The following ABCA12 variants were observed in gnomAD, a reference collection of about 807,000 sequenced individuals.
ABCA12 encodes glucosylceramide transporter ABCA12.
Under a neutral mutation model 293.5 loss-of-function variants are expected in ABCA12, and 156 were observed. That is an observed-to-expected ratio of 0.53 (90% CI 0.47 to 0.61). The LOEUF is 0.61. ABCA12 is among the 20% of genes least tolerant of loss of function. The pLI is 0.00. For synonymous variants in ABCA12, 1,063 were observed against 1,108.0 expected, an observed-to-expected ratio of 0.96 and a Z score of 0.81; for missense variants, 2,797 against 3,090.2, an observed-to-expected ratio of 0.91 and a Z score of 2.25.
intron 36 of ABCA12, 131 bp from the exon 37 acceptor site, chr2:214,970,531 T>G (rs1699364553): frequency 2.0e-6 from 2 of 1,007,054 alleles, no homozygotes; most frequent in African/African-American, 3.3e-5. Context: ...GACTGTCCTT[T>G]GACTCTAAAG....
chr2:215,002,230 T>C (rs989747792), intron 20 of ABCA12, among the ~76,000 whole-genome samples: 5 of 152,204 alleles, frequency 3.3e-5, no homozygotes, highest in East Asian at 1.9e-4. Flanking sequence ...ACACTTAAGA[T>C]ACCTGAAAAT....
intron 10 of ABCA12, 133 bp downstream of exon 10, chr2:215,026,687 T>C: frequency 1.3e-6 from 1 of 779,396 alleles, no homozygotes; most frequent in Non-Finnish European, 2.3e-6. Context: ...ATCACCAGAC[T>C]GAAACTGATG....
intron 45 of ABCA12, among the ~76,000 whole-genome samples, chr2:214,950,384 C>CTG (rs61619476): frequency 0.35 from 40,741 of 115,934 alleles, 6,247 homozygotes; most frequent in East Asian, 0.55. Context: ...ATATATATAT[C>CTG]TGTGTGTGTG....
Position 215,015,666 on chromosome 2 carries a change from G to T in ABCA12, c.1783-3C>A. ...AGCCAGAACACCTGAGAAATAATCT[G>T]CAAATGGAGGAAGAAAAATATTTCA... On this transcript the variant is annotated splice_region_variant and splice_polypyrimidine_tract_variant and intron_variant, in intron 14 of 52. Transcript: ENST00000272895. 1 of 1,613,454 alleles carries T rather than the reference G, an allele frequency of 6.2e-7. No individual in the cohort carries two copies. Among genetic ancestry groups the T allele is most frequent in the Non-Finnish European group, 8.5e-7 (1 of 1,179,446 alleles).
intron 1 of ABCA12, among the ~76,000 whole-genome samples, chr2:215,113,156 C>T (rs1702612369): frequency 6.6e-6 from 1 of 152,260 alleles, no homozygotes; most frequent in East Asian, 1.9e-4. Flanking sequence ...CAATCCAAAC[C>T]CCATGAATTA....
chr2:214,968,464 T>C (rs2105949568), intron 38 of ABCA12, among the ~76,000 whole-genome samples: 1 of 152,244 alleles, frequency 6.6e-6, no homozygotes, highest in Non-Finnish European at 1.5e-5. Context: ...ATATTCTGCA[T>C]GTGGGCATTT....
At chr2:214,976,623 A>G (rs939044367) in intron 33 of ABCA12, among the ~76,000 whole-genome samples, 2 of 152,132 alleles carry the variant, frequency 1.3e-5, no homozygotes, top group Non-Finnish European at 2.9e-5. Context: ...GTTCAACCAC[A>G]TATTTATTAC....
rs576197298 is a variant in ABCA12, at chr2:215,024,213, C to A, written c.1287+1460G>T. ...CAATCCATGTTAGATATCCCGCCTC[C>A]ATGCACAGAAGCCTCTATCCACCTA... On this transcript the variant is annotated intron_variant, in intron 11 of 52. Transcript: ENST00000272895. 1.2e-4 allele frequency among the ~76,000 whole-genome samples: 19 copies of A among 152,286 alleles called. No individual in the cohort carries two copies. The South Asian group carries it at 3.5e-3, about 28-fold the overall frequency.
chr2:215,015,814 T>C, intron 14 of ABCA12, 151 bp from the exon 15 acceptor site: 3 of 711,180 alleles, frequency 4.2e-6, no homozygotes, highest in Non-Finnish European at 7.2e-6. Context: ...CTAATTACTA[T>C]TAATAAGACA....
chr2:215,072,879 G>A (rs779421816), intron 2 of ABCA12, among the ~76,000 whole-genome samples: 3 of 152,110 alleles, frequency 2.0e-5, no homozygotes, highest in Non-Finnish European at 4.4e-5. Flanking sequence ...GGCGGATCAC[G>A]AGGTCAGGAG....
At chr2:214,950,384 C>G (rs4672737) in intron 45 of ABCA12, among the ~76,000 whole-genome samples, 128 of 116,628 alleles carry the variant, frequency 1.1e-3, no homozygotes, top group Non-Finnish European at 1.8e-3. Flanking sequence ...ATATATATAT[C>G]TGTGTGTGTG....
intron 3 of ABCA12, among the ~76,000 whole-genome samples, chr2:215,056,083 G>A (rs981849231): frequency 1.3e-5 from 2 of 151,838 alleles, no homozygotes; most frequent in Admixed American, 1.3e-4. Flanking sequence ...TTAAGGACTA[G>A]GGACAGCAAC....
At chr2:215,074,814 T>C (rs1012577760) in intron 2 of ABCA12, among the ~76,000 whole-genome samples, 2 of 151,818 alleles carry the variant, frequency 1.3e-5, no homozygotes, top group African/African-American at 4.8e-5. Context: ...TGGTGGTGCG[T>C]GCCTGTAGTC....
At chr2:215,074,787 C>CA (rs1270433373) in intron 2 of ABCA12, among the ~76,000 whole-genome samples, 4 of 151,754 alleles carry the variant, frequency 2.6e-5, no homozygotes, top group Non-Finnish European at 5.9e-5. Flanking sequence ...ACTAAAAATA[C>CA]AAAAATTAGC....
chr2:214,993,159 C>G (rs1342374972), intron 23 of ABCA12, among the ~76,000 whole-genome samples: 1 of 152,230 alleles, frequency 6.6e-6, no homozygotes, highest in African/African-American at 2.4e-5. Context: ...CTAATCACCA[C>G]TGAGAAAGAC....
At chr2:214,966,726 G>T in intron 39 of ABCA12, 122 bp downstream of exon 39, 1 of 849,882 alleles carries the variant, frequency 1.2e-6, no homozygotes. Context: ...TCCTTTTAAA[G>T]ACCTGTGATT....
At position 215,036,992 on chromosome 2, in the gene ABCA12, CA is replaced by C; in HGVS notation, c.945del (p.Val316LeufsTer19). 2 of 1,613,902 alleles carry C rather than the reference CA, an allele frequency of 1.2e-6. No individual in the cohort carries two copies. The highest frequency in any genetic ancestry group is 1.7e-6 in the Non-Finnish European group (2 of 1,179,858). ...TNEGFRTLQK[S>X]VKHLLYTLDS... ...TCCAGAGTGTACAGCAGATGTTTAA[CA>C]GACTTCTGGAGGGTTCTGAAACCTT... On this transcript the variant is annotated frameshift_variant, in exon 8 of 53. Coordinates refer to ENST00000272895, the MANE Select transcript of ABCA12 (RefSeq NM_173076.3). LOFTEE classifies it high-confidence loss of function.
chr2:215,004,704 T>C (rs1175861782), intron 19 of ABCA12: 2 of 189,696 alleles, frequency 1.1e-5, no homozygotes, highest in Non-Finnish European at 2.2e-5. Flanking sequence ...GATGTCTCCG[T>C]GGAATCTGAC....
At chr2:215,055,936 A>G (rs1252168393) in intron 3 of ABCA12, among the ~76,000 whole-genome samples, 1 of 152,024 alleles carries the variant, frequency 6.6e-6, no homozygotes, top group Non-Finnish European at 1.5e-5. Flanking sequence ...TCTCAAAAAG[A>G]AGTTTTAGAA....
Sources: allele counts gnomAD v4.1 joint callset (sites outside exome capture counted in the v4.1 genomes callset), GRCh38; gene constraint gnomAD v4.1.1; transcripts MANE v1.5; gene names NCBI Gene and HGNC (gene_info 2026-07-23, HGNC 2026-07-21).